PLPPR5: variants seen among roughly 807,000 people sequenced by gnomAD.
The protein encoded by PLPPR5 is phospholipid phosphatase-related protein type 5.
PLPPR5 carries 16 observed loss-of-function variants against 33.9 expected under a neutral mutation model. The ratio of observed to expected loss-of-function variants is 0.47; its 90% confidence interval spans 0.32 to 0.72. The LOEUF (loss-of-function observed/expected upper bound fraction) is 0.72. Ranked by LOEUF, PLPPR5 falls within the 30% of genes least tolerant of loss-of-function variation. The probability of loss-of-function intolerance (pLI) is 0.03; values close to 1 mark genes in which losing one functional copy is unlikely to be tolerated. For missense variants in PLPPR5, 301 were observed against 406.7 expected (o/e 0.74, Z 2.23); for synonymous variants, 163 against 150.3 (o/e 1.08, Z -0.62).
chr1:98,935,935 G>A (rs889394989), intron 3 of PLPPR5, among the ~76,000 whole-genome samples: 9 of 152,060 alleles, frequency 5.9e-5, no homozygotes, highest in African/African-American at 2.2e-4. Flanking sequence ...AAGGGACCTG[G>A]AATTCTGCAT....
At chr1:98,979,102 G>A (rs1224955965) in intron 1 of PLPPR5, among the ~76,000 whole-genome samples, 1 of 152,118 alleles carries the variant, frequency 6.6e-6, no homozygotes, top group Admixed American at 6.6e-5. Context: ...TACCTCCCAG[G>A]TCCCAGGCAT....
chr1:98,997,819 T>A (rs892928296), intron 1 of PLPPR5, among the ~76,000 whole-genome samples: 1 of 152,190 alleles, frequency 6.6e-6, no homozygotes, highest in African/African-American at 2.4e-5. Flanking sequence ...GTTTATTGTC[T>A]CCACAGTGTT....
intron 3 of PLPPR5, among the ~76,000 whole-genome samples, chr1:98,925,812 A>G (rs1030423321): frequency 3.3e-5 from 5 of 152,240 alleles, no homozygotes; most frequent in Non-Finnish European, 7.3e-5. Flanking sequence ...AGTTCCAGGC[A>G]AAAGGGAAAT....
chr1:98,899,897 T>TA (rs552295312), intron 5 of PLPPR5, among the ~76,000 whole-genome samples: 61 of 152,278 alleles, frequency 4.0e-4, no homozygotes, highest in Non-Finnish European at 7.4e-4. Context: ...CTATGAATAC[T>TA]AATGTGTTTA....
intron 5 of PLPPR5, among the ~76,000 whole-genome samples, chr1:98,909,274 C>T (rs1334632471): frequency 7.7e-6 from 1 of 129,520 alleles, no homozygotes; most frequent in African/African-American, 2.8e-5. Flanking sequence ...CCCTCCCTTC[C>T]CCTCCCTTCC....
intron 1 of PLPPR5, among the ~76,000 whole-genome samples, chr1:99,002,564 C>T (rs1251639012): frequency 3.3e-5 from 5 of 152,142 alleles, no homozygotes; most frequent in South Asian, 4.1e-4. Context: ...GAGAAATATA[C>T]GTGACTATGA....
intron 5 of PLPPR5, among the ~76,000 whole-genome samples, chr1:98,910,641 C>A (rs768090849): frequency 1.1e-4 from 16 of 152,154 alleles, no homozygotes; most frequent in Non-Finnish European, 2.2e-4. Flanking sequence ...TTCAGGGTAG[C>A]AGATGGCCAG....
chr1:98,950,575 A>C (rs1650743664), intron 3 of PLPPR5, among the ~76,000 whole-genome samples: 2 of 152,204 alleles, frequency 1.3e-5, no homozygotes, highest in African/African-American at 4.8e-5. Context: ...TTGAAACACT[A>C]TTTTGCCAGA....
chr1:98,930,971 T>C (rs1428583306), intron 3 of PLPPR5, among the ~76,000 whole-genome samples: 8 of 152,192 alleles, frequency 5.3e-5, no homozygotes, highest in Non-Finnish European at 1.0e-4. Context: ...CTCCCACGCC[T>C]ACCAGATTCT....
At chr1:98,928,730 T>G (rs1290304946) in intron 3 of PLPPR5, among the ~76,000 whole-genome samples, 1 of 151,426 alleles carries the variant, frequency 6.6e-6, no homozygotes, top group Admixed American at 6.6e-5. Context: ...TGCTTCGAGT[T>G]GGGCACTGAT....
rs1649283944 is a variant in PLPPR5, at chr1:98,914,858, A to T, written c.861T>A (p.Asp287Glu). The part of the protein sequence containing the change: ...RQAENEHIHM[D>E]NLAQMPMISI... ...TGATCATTGGCATCTGTGCCAGATTATCCATGTGTATATGCTCATTTTCTG... is the reference window on the plus strand; with the variant it reads ...TGATCATTGGCATCTGTGCCAGATTTTCCATGTGTATATGCTCATTTTCTG... The change falls in exon 5 of 6, where the codon GAT becomes GAA. Residue 287 changes from aspartate to glutamate, a missense_variant. By Grantham distance (45) the Asp-to-Glu change is conservative. Coordinates refer to ENST00000263177, the MANE Select transcript of PLPPR5 (RefSeq NM_001037317.2). 6.2e-7 allele frequency: 1 copy of T among 1,613,044 alleles called. No homozygotes were observed. The highest frequency in any genetic ancestry group is 1.7e-5 in the Admixed American group (1 of 59,934).
intron 3 of PLPPR5, among the ~76,000 whole-genome samples, chr1:98,925,790 A>C (rs1290091564): frequency 6.6e-6 from 1 of 152,224 alleles, no homozygotes; most frequent in African/African-American, 2.4e-5. Flanking sequence ...GATCCTGAAG[A>C]ATGAGCATGA....
At chr1:98,935,097 A>G (rs571220957) in intron 3 of PLPPR5, among the ~76,000 whole-genome samples, 141 of 152,256 alleles carry the variant, frequency 9.3e-4, no homozygotes, top group Non-Finnish European at 1.3e-3. Flanking sequence ...AGGACTGGGT[A>G]TATAATTTGT....
At chr1:98,894,155 G>A (rs1376300158) in intron 5 of PLPPR5, among the ~76,000 whole-genome samples, 1 of 151,894 alleles carries the variant, frequency 6.6e-6, no homozygotes, top group Non-Finnish European at 1.5e-5. Flanking sequence ...CTTAATACTA[G>A]AAAAAAACAA....
Position 98,953,215 on chromosome 1 carries a change from T to C in PLPPR5, c.476A>G (p.Tyr159Cys). The C allele has an allele frequency of 6.2e-7, 1 of 1,614,122 alleles. No individual in the cohort carries two copies. The highest frequency in any genetic ancestry group is 2.2e-5 in the East Asian group (1 of 44,868). The change falls in exon 3 of 6, where the codon TAT becomes TGT. Residue 159 changes from tyrosine (Y) to cysteine (C), a missense_variant. Coordinates refer to ENST00000263177, the MANE Select transcript of PLPPR5 (RefSeq NM_001037317.2). ...PHFLALCKPN[Y>C]TALGCQQYTQ... ...ATACTGCTGACATCCAAGTGCTGTA[T>C]AATTGGGCTTACACAGGGCAAGGAA...
chr1:98,939,465 C>T (rs1265811400), intron 3 of PLPPR5, among the ~76,000 whole-genome samples: 1 of 151,846 alleles, frequency 6.6e-6, no homozygotes, highest in Non-Finnish European at 1.5e-5. Flanking sequence ...AGCATCTAAC[C>T]CCTTTCTTGT....
chr1:98,985,939 C>A (rs1161685573), intron 1 of PLPPR5, among the ~76,000 whole-genome samples: 1 of 152,112 alleles, frequency 6.6e-6, no homozygotes, highest in Admixed American at 6.6e-5. Context: ...TACAATGCAA[C>A]ATATTTTGAG....
At chr1:98,992,762 GA>G (rs558575232) in intron 1 of PLPPR5, among the ~76,000 whole-genome samples, 1 of 151,982 alleles carries the variant, frequency 6.6e-6, no homozygotes, top group Admixed American at 6.6e-5. Flanking sequence ...TAGTCACTCA[GA>G]AAAAAACTCT....
At chr1:98,925,257 A>C (rs1649711439) in intron 3 of PLPPR5, among the ~76,000 whole-genome samples, 1 of 152,210 alleles carries the variant, frequency 6.6e-6, no homozygotes, top group African/African-American at 2.4e-5. Context: ...AAATGTAGCT[A>C]AAATAAAATA....
Sources: allele counts gnomAD v4.1 joint callset (sites outside exome capture counted in the v4.1 genomes callset), GRCh38; gene constraint gnomAD v4.1.1; transcripts MANE v1.5; gene names NCBI Gene and HGNC (gene_info 2026-07-23, HGNC 2026-07-21).